TOP2A: variants seen among roughly 807,000 people sequenced by gnomAD.
TOP2A encodes the protein DNA topoisomerase II alpha.
Under a neutral mutation model 187.2 loss-of-function variants are expected in TOP2A, and 68 were observed. The ratio of observed to expected loss-of-function variants is 0.36; its 90% CI spans 0.30 to 0.44. The LOEUF (loss-of-function observed/expected upper bound fraction) is 0.44, where lower values mean the gene tolerates loss of function less well. Among genes scored for constraint, TOP2A ranks in the 20% least tolerant of loss-of-function variants. The probability of loss-of-function intolerance (pLI) is 1.00; values close to 1 mark genes in which losing one functional copy is unlikely to be tolerated. For synonymous variants in TOP2A, 542 were observed against 593.2 expected (o/e 0.91, Z 1.25); for missense variants, 1,196 against 1,808.7 (o/e 0.66, Z 6.14).
chr17:40,413,930 T>C (rs1193243847), intron 4 of TOP2A, among the ~76,000 whole-genome samples: 1 of 152,086 alleles, frequency 6.6e-6, no homozygotes, highest in East Asian at 1.9e-4. Context: ...GTGTTGGGGT[T>C]ATAGATGTGA....
In TOP2A at chr17:40,396,448, T is replaced by C; in HGVS notation, c.3555A>G (p.Glu1185=). ...IEELEAVEAK[E]KQDEQVGLPG... is the part of the protein sequence containing the mutation. Reference sequence around the variant, plus strand: ...GAAGTCCGACTTGTTCATCTTGTTTTTCCTTGGCTTCAACAGCCTACAGAA... The same window carrying C: ...GAAGTCCGACTTGTTCATCTTGTTTCTCCTTGGCTTCAACAGCCTACAGAA... The change falls in exon 28 of 35, where the codon GAA becomes GAG. Residue 1185 remains glutamate, a synonymous_variant. Transcript: ENST00000423485. 1 of 1,613,952 alleles carries C rather than the reference T, an allele frequency of 6.2e-7. No homozygotes were observed. The highest frequency in any genetic ancestry group is 2.2e-5 in the East Asian group (1 of 44,892).
chr17:40,405,494 G>A (rs1228692377), intron 16 of TOP2A, among the ~76,000 whole-genome samples: 3 of 134,480 alleles, frequency 2.2e-5, no homozygotes, highest in Admixed American at 8.0e-5. Context: ...TCGCTCTGTC[G>A]CCCAGGCTGG....
intron 10 of TOP2A, 122 bp downstream of exon 10, chr17:40,410,987 T>C: frequency 9.5e-7 from 1 of 1,047,912 alleles, no homozygotes; most frequent in Non-Finnish European, 1.3e-6. Context: ...TTTACTTCCT[T>C]TTCAGATTGG....
chr17:40,414,312 T>C (rs1317203434), intron 4 of TOP2A, among the ~76,000 whole-genome samples: 1 of 152,024 alleles, frequency 6.6e-6, no homozygotes, highest in African/African-American at 2.4e-5. Context: ...ATCCTCCCAC[T>C]TCAGCCTCCT....
intron 33 of TOP2A, chr17:40,391,196 C>A: frequency 4.5e-6 from 1 of 221,914 alleles, no homozygotes; most frequent in Non-Finnish European, 8.8e-6. Flanking sequence ...GCTGGGATTA[C>A]AGGCATGAGC....
rs760972440 is a variant in TOP2A at position 40,408,511 on chromosome 17, G to A, written c.1323C>T (p.Leu441=). ...KHNRIKGIPK[L]DDANDAGGRN... ...ATATACCTGCATCATTGGCATCATC[G>A]AGTTTGGGAATTCCCTTGATTCTAT... Residue 441 remains leucine (L), a synonymous_variant, in exon 11 of 35, where the codon CTC becomes CTT. Coordinates refer to ENST00000423485, the MANE Select transcript of TOP2A (RefSeq NM_001067.4). 5 of 1,613,102 alleles carry A rather than the reference G, an allele frequency of 3.1e-6. No homozygotes were observed. The highest frequency in any genetic ancestry group is 1.7e-5 in the Admixed American group (1 of 59,902).
chr17:40,397,861 A>G (rs567423966), intron 27 of TOP2A, among the ~76,000 whole-genome samples: 1 of 144,760 alleles, frequency 6.9e-6, no homozygotes, highest in Non-Finnish European at 1.5e-5. Context: ...TCACAGCAAC[A>G]TCTGCCTCCC....
In TOP2A at chr17:40,389,458, G is replaced by C; in HGVS notation, c.*61C>G. 1 of 1,526,282 alleles carries C rather than the reference G, an allele frequency of 6.6e-7. No homozygotes were observed. Among genetic ancestry groups the C allele is most frequent in the Non-Finnish European group, 8.8e-7 (1 of 1,132,892 alleles). The allele number at this position is 1,526,282 out of a possible 1,614,324, so 94.5% of individuals were successfully genotyped here. On this transcript the variant is annotated 3_prime_UTR_variant, in exon 35 of 35. Coordinates refer to ENST00000423485, the MANE Select transcript of TOP2A (RefSeq NM_001067.4). ...GAGGGGAGGAAGTTAAGAGCTTCAG[G>C]TAACTTTAAAACCAGTCTTGGGCTT...
rs1318467719 is a variant in TOP2A, at chr17:40,413,200, T to C, written c.571A>G (p.Lys191Glu). The change falls in exon 6 of 35, where the codon AAA becomes GAA. Residue 191 changes from lysine to glutamate, a missense_variant. Physicochemically the swap from Lys to Glu is moderately conservative, Grantham distance 56. Coordinates refer to ENST00000423485, the MANE Select transcript of TOP2A (RefSeq NM_001067.4). ...CAAGACACTTATTTACTTGCCTGTT[T>C]GAACATTTTCTTGTATTCTCTACTG... ...TASREYKKMF[K>E]QTWMDNMGRA... 1.3e-6 allele frequency: 2 copies of C among 1,555,882 alleles called. No homozygotes were observed. Among genetic ancestry groups the C allele is most frequent in the Non-Finnish European group, 1.7e-6 (2 of 1,148,128 alleles).
intron 32 of TOP2A, 101 bp downstream of exon 32, chr17:40,391,967 T>C: frequency 7.7e-7 from 1 of 1,306,106 alleles, no homozygotes; most frequent in Non-Finnish European, 1.1e-6. Flanking sequence ...CAAATTTATT[T>C]CCAAAGGAAG....
rs753752989 is a variant in TOP2A at position 40,398,636 on chromosome 17, T to C, written c.3459A>G (p.Gln1153=). 1.6e-5 allele frequency: 26 copies of C among 1,598,316 alleles called. No homozygotes were observed. Among genetic ancestry groups the C allele is most frequent in the Non-Finnish European group, 2.1e-5 (25 of 1,172,058 alleles). ...ELCRLRNEKE[Q]ELDTLKRKSP... is the part of the protein sequence containing the mutation. Reference sequence around the variant, plus strand: ...TCTTTCTTTTTAATGTGTCCAGCTCTTGTTCCTTCATAAGATAATTACAAA... The same window carrying C: ...TCTTTCTTTTTAATGTGTCCAGCTCCTGTTCCTTCATAAGATAATTACAAA... Residue 1153 remains glutamine (Q), a synonymous_variant, in exon 27 of 35, where the codon CAA becomes CAG. Transcript: ENST00000423485.
rs775042257 is a variant in TOP2A, at chr17:40,390,080, A to T, written c.4352T>A (p.Val1451Asp). Residue 1451 changes from valine to aspartate, a missense_variant, in exon 34 of 35, where the codon GTC becomes GAC. Transcript: ENST00000423485. Reference protein sequence around the residue: ...TKRDPALNSGVSQKPDPAKTK... With the variant: ...TKRDPALNSGDSQKPDPAKTK... ...TTTGGCAGGATCAGGCTTTTGAGAG[A>T]CACCAGAATTCAAAGCTGGATCCCT... 5 of 1,613,744 alleles carry T rather than the reference A, an allele frequency of 3.1e-6. No homozygotes were observed. Among genetic ancestry groups the T allele is most frequent in the Non-Finnish European group, 4.2e-6 (5 of 1,179,858 alleles).
intron 27 of TOP2A, among the ~76,000 whole-genome samples, 163 bp downstream of exon 27, chr17:40,398,395 C>T (rs909046118): frequency 6.6e-6 from 1 of 152,176 alleles, no homozygotes; most frequent in Non-Finnish European, 1.5e-5. Flanking sequence ...TGAGCCACTG[C>T]ACCTGGCCAA....
At chr17:40,399,234 T>C (rs911155751) in intron 24 of TOP2A, 103 bp from the exon 25 acceptor site, 49 of 812,980 alleles carry the variant, frequency 6.0e-5, no homozygotes, top group Non-Finnish European at 9.3e-5. Flanking sequence ...AATTAAACTG[T>C]CTTCGTGCTT....
At position 40,392,106 on chromosome 17, in the gene TOP2A, C is replaced by G. The variant is rs2035028895; in HGVS notation, c.4094G>C (p.Ser1365Thr). 3 of 1,611,376 alleles carry G rather than the reference C, an allele frequency of 1.9e-6. No homozygotes were observed. In the South Asian group the frequency reaches 3.3e-5, roughly 18 times the overall value. ...PPKTKTSPKL[S>T]NKELKPQKSV... ...TTTCTGTGGTTTCAGTTCTTTGTTA[C>G]TAAGTCTAGAATTAAAAAAAAAAAT... The change falls in exon 32 of 35, where the codon AGT becomes ACT. Residue 1365 changes from serine to threonine, a missense_variant. Ser to Thr is a moderately conservative substitution (Grantham distance 58, BLOSUM62 1). This residue lies in a region of TOP2A where 374 missense variants were observed against 403.3 expected (regional missense o/e 0.93). Transcript: ENST00000423485.
chr17:40,411,734 G>C lies in TOP2A; in HGVS notation c.874C>G (p.Gln292Glu), dbSNP rs1033790411. The change falls in exon 8 of 35, where the codon CAA becomes GAA. Residue 292 changes from glutamine to glutamate, a missense_variant. Gln to Glu is a conservative substitution (Grantham distance 29, BLOSUM62 2). Coordinates refer to ENST00000423485, the MANE Select transcript of TOP2A (RefSeq NM_001067.4). The surrounding 1 kb of genome is among the most constrained non-coding windows in gnomAD (Gnocchi z 4.4). ...TGNSLKVIHE[Q>E]VNHRWEVCLT... ...CACACTTCCCACCTGTGGTTTACTT[G>C]TTCATGTATTACTTTCAAGGAGTTA... The C allele has an allele frequency of 6.2e-7, 1 of 1,612,752 alleles. No homozygotes were observed. Among genetic ancestry groups the C allele is most frequent in the African/African-American group, 1.3e-5 (1 of 74,836 alleles).
intron 20 of TOP2A, among the ~76,000 whole-genome samples, chr17:40,402,123 T>C (rs904970572): frequency 6.6e-6 from 1 of 152,200 alleles, no homozygotes; most frequent in African/African-American, 2.4e-5. Flanking sequence ...GGATGTTAAG[T>C]ATCAAGCAAA....
At chr17:40,398,662 ATTGAG>A in intron 26 of TOP2A, 21 bp from the exon 27 acceptor site, 3 of 1,603,422 alleles carry the variant, frequency 1.9e-6, no homozygotes, top group Non-Finnish European at 2.6e-6. Flanking sequence ...TAATTACAAA[ATTGAG>A]TTAATATATG....
Position 40,399,124 on chromosome 17 carries a change from C to A in TOP2A, c.3204G>T (p.Lys1068Asn). The stretch of plus-strand genomic sequence containing the variant: ...GAACTTTAATTAATTCTTTCTTAGG[C>A]TTATTTTCTATTTTTAAAAAAGTAA... The part of the protein sequence containing the change: ...KIDGKIIIEN[K>N]PKKELIKVLI... Residue 1068 changes from lysine to asparagine, a missense_variant, in exon 25 of 35, where the codon AAG becomes AAT. Lys to Asn is a moderately conservative substitution (Grantham distance 94, BLOSUM62 0). Around this residue, in one of 10 missense-constraint regions of TOP2A, gnomAD observed 232 missense variants for 306.1 expected, o/e 0.76. Transcript: ENST00000423485. 6.5e-7 allele frequency: 1 copy of A among 1,546,010 alleles called. No individual in the cohort carries two copies. The highest frequency in any genetic ancestry group is 2.4e-5 in the East Asian group (1 of 41,532).
Sources: allele counts gnomAD v4.1 joint callset (sites outside exome capture counted in the v4.1 genomes callset), GRCh38; gene constraint gnomAD v4.1.1; regional missense constraint gnomAD v4.1.1; non-coding constraint Gnocchi (gnomAD v3.1); transcripts MANE v1.5; gene names NCBI Gene and HGNC (gene_info 2026-07-23, HGNC 2026-07-21).